The following DPP10 variants were observed in gnomAD, a reference collection of about 807,000 sequenced individuals.
DPP10 encodes the protein inactive dipeptidyl peptidase 10.
A neutral mutation model predicts 120.9 loss-of-function variants in DPP10; 33 were observed. The ratio of observed to expected loss-of-function variants is 0.27; its 90% confidence interval spans 0.21 to 0.37. The LOEUF is 0.37. Ranked by LOEUF, DPP10 falls within the 10% of genes least tolerant of loss-of-function variation. The pLI is 1.00. For synonymous variants in DPP10, 337 were observed against 326.1 expected, an observed-to-expected ratio of 1.03 and a Z score of -0.36; for missense variants, 816 against 942.8, an observed-to-expected ratio of 0.87 and a Z score of 1.76.
At chr2:115,087,530 TTTCTTTTC>T (rs1456216853) in intron 1 of DPP10, among the ~76,000 whole-genome samples, 78 of 95,112 alleles carry the variant, frequency 8.2e-4, no homozygotes, top group Middle Eastern at 5.6e-3. Context: ...TTTCTTTTCT[TTTCTTTTC>T]TTTTTTTTTT....
intron 1 of DPP10, among the ~76,000 whole-genome samples, chr2:115,152,913 T>C (rs2051654938): frequency 6.6e-6 from 1 of 152,180 alleles, no homozygotes; most frequent in African/African-American, 2.4e-5. Context: ...ACAAAGACTT[T>C]GATTACTCAT....
chr2:115,118,368 A>C (rs1335236817), intron 1 of DPP10, among the ~76,000 whole-genome samples: 2 of 152,230 alleles, frequency 1.3e-5, no homozygotes, highest in Non-Finnish European at 2.9e-5. Context: ...CCAGCTTTCA[A>C]GTCAGACTGC....
chr2:115,286,226 GGA>G (rs2060363758), intron 1 of DPP10, among the ~76,000 whole-genome samples: 1 of 151,262 alleles, frequency 6.6e-6, no homozygotes, highest in South Asian at 2.1e-4. Flanking sequence ...AATAACATTT[GGA>G]GATATTTTGG....
In DPP10 at chr2:115,451,995, A is replaced by G. The variant is rs545290869; in HGVS notation, c.272-47515A>G. Among the ~76,000 whole-genome samples the G allele has an allele frequency of 3.7e-4, 56 of 151,934 alleles. 1 individual carries two copies. In the South Asian group the frequency reaches 6.6e-3, roughly 18 times the overall value. On this transcript the variant is annotated intron_variant, in intron 3 of 25. Coordinates refer to ENST00000410059, the MANE Select transcript of DPP10 (RefSeq NM_020868.6). ...TATGACATTATAGTGTATTTGGTCT[A>G]CCTAGACCACCTTACTTGTCAACAG...
chr2:114,912,818 G>A (rs1694471845), intron 1 of DPP10, among the ~76,000 whole-genome samples: 1 of 152,162 alleles, frequency 6.6e-6, no homozygotes, highest in African/African-American at 2.4e-5. Flanking sequence ...ATGGATATTT[G>A]AGCTGGCAGG....
intron 1 of DPP10, among the ~76,000 whole-genome samples, chr2:114,625,688 A>G (rs1490027148): frequency 6.6e-6 from 1 of 152,046 alleles, no homozygotes; most frequent in Non-Finnish European, 1.5e-5. Context: ...GAATAAATTG[A>G]GAAATATCTG....
At chr2:114,907,998 A>G (rs1055300646) in intron 1 of DPP10, among the ~76,000 whole-genome samples, 2 of 151,928 alleles carry the variant, frequency 1.3e-5, no homozygotes, top group Non-Finnish European at 2.9e-5. Flanking sequence ...TAGTGCATAT[A>G]TGTTTGTAAT....
chr2:115,372,482 A>G (rs1044968907), intron 3 of DPP10, among the ~76,000 whole-genome samples: 1 of 152,162 alleles, frequency 6.6e-6, no homozygotes, highest in Non-Finnish European at 1.5e-5. Flanking sequence ...TTTGCAGGGT[A>G]TCTCATTGAA....
chr2:115,637,597 A>G lies in DPP10; in HGVS notation c.442-52090A>G, dbSNP rs1304234330. Among the ~76,000 whole-genome samples the G allele has an allele frequency of 3.3e-5, 5 of 152,338 alleles. No homozygotes were observed. In the East Asian group the frequency reaches 7.7e-4, roughly 23 times the overall value. On this transcript the variant is annotated intron_variant, in intron 5 of 25. Transcript: ENST00000410059. The stretch of plus-strand genomic sequence containing the variant: ...GTTAGGAGAGCATTTCCAAGACCAC[A>G]AAGAAACTTAGCAGCTCTCAATTAT...
intron 5 of DPP10, among the ~76,000 whole-genome samples, chr2:115,666,609 T>G (rs2089473420): frequency 1.3e-5 from 2 of 152,212 alleles, no homozygotes; most frequent in African/African-American, 4.8e-5. Context: ...TATGGCTGTT[T>G]AGTAGTCCAT....
chr2:114,990,441 C>A (rs1456002139), intron 1 of DPP10, among the ~76,000 whole-genome samples: 1 of 151,982 alleles, frequency 6.6e-6, no homozygotes, highest in Non-Finnish European at 1.5e-5. Flanking sequence ...AGCCATCTAT[C>A]TATTTATTTT....
intron 15 of DPP10, among the ~76,000 whole-genome samples, chr2:115,779,856 A>G (rs1682542136): frequency 6.6e-6 from 1 of 151,998 alleles, no homozygotes; most frequent in Non-Finnish European, 1.5e-5. Flanking sequence ...TGCTTGGTAT[A>G]TATTGTTTTG....
intron 5 of DPP10, among the ~76,000 whole-genome samples, chr2:115,534,513 T>G (rs1175428096): frequency 5.3e-5 from 8 of 152,048 alleles, no homozygotes; most frequent in African/African-American, 1.2e-4. Flanking sequence ...TCTATCATTG[T>G]TGGACATTTG....
At chr2:115,581,502 C>G (rs571881574) in intron 5 of DPP10, among the ~76,000 whole-genome samples, 1 of 152,126 alleles carries the variant, frequency 6.6e-6, no homozygotes, top group Non-Finnish European at 1.5e-5. Flanking sequence ...GATTTTTCAC[C>G]AACAATTTTC....
intron 5 of DPP10, among the ~76,000 whole-genome samples, chr2:115,547,351 T>G (rs1031101142): frequency 4.6e-5 from 7 of 152,206 alleles, no homozygotes; most frequent in African/African-American, 1.7e-4. Context: ...AAAGTCACTT[T>G]GTAAATGAGA....
chr2:115,010,311 A>C (rs183414488), intron 1 of DPP10, among the ~76,000 whole-genome samples: 8 of 152,342 alleles, frequency 5.3e-5, no homozygotes, highest in Admixed American at 5.2e-4. Flanking sequence ...GTTTGCGACT[A>C]AGCACCATTC....
chr2:114,592,340 A>T (rs1194131988), intron 1 of DPP10, among the ~76,000 whole-genome samples: 1 of 152,180 alleles, frequency 6.6e-6, no homozygotes, highest in Non-Finnish European at 1.5e-5. Context: ...TTCAGTTTTT[A>T]TAAAGAGATA....
At position 115,415,857 on chromosome 2, in the gene DPP10, ATATATATATATATATAT is replaced by A. The variant is rs2069364295; in HGVS notation, c.271+71946_271+71962del. Among the ~76,000 whole-genome samples, 4 of 135,198 alleles carry A rather than the reference ATATATATATATATATAT, an allele frequency of 3.0e-5. No individual in the cohort carries two copies. The South Asian group carries it at 9.3e-4, about 31-fold the overall frequency. 88.7% of individuals were successfully genotyped at this position (135,198 alleles called of 152,430 possible). A position where few individuals can be genotyped will look rare whatever the true frequency, so the allele number is the denominator to read the frequency against. On this transcript the variant is annotated intron_variant, in intron 3 of 25. Coordinates refer to ENST00000410059, the MANE Select transcript of DPP10 (RefSeq NM_020868.6). The stretch of plus-strand genomic sequence containing the variant: ...GATTTGCTTTTATATATATATATAT[ATATATATATATATATAT>A]ATGCACACACACACATACATTCATA...
intron 3 of DPP10, 62 bp from the exon 4 acceptor site, chr2:115,499,448 C>G (rs1478473066): frequency 5.9e-6 from 8 of 1,354,242 alleles, no homozygotes; most frequent in Non-Finnish European, 8.3e-6. Flanking sequence ...GTTTTCTCCC[C>G]TACAGTTACT....
Sources: allele counts gnomAD v4.1 joint callset (sites outside exome capture counted in the v4.1 genomes callset), GRCh38; gene constraint gnomAD v4.1.1; transcripts MANE v1.5; gene names NCBI Gene and HGNC (gene_info 2026-07-23, HGNC 2026-07-21).